The following PDZD2 variants were observed in gnomAD, a reference collection of about 807,000 sequenced individuals.
PDZD2 encodes PDZ domain containing 2.
A neutral mutation model predicts 220.7 loss-of-function variants in PDZD2; 90 were observed. The observed-to-expected ratio is 0.41, with a 90% confidence interval of 0.34 to 0.49. The LOEUF is 0.49. PDZD2 is among the 20% of genes least tolerant of loss of function. The pLI, the probability that PDZD2 is intolerant of heterozygous loss-of-function variation, is 0.28. For missense variants in PDZD2, 3,174 were observed against 3,608.5 expected (o/e 0.88, Z 3.08); for synonymous variants, 1,375 against 1,450.5 (o/e 0.95, Z 1.18).
rs3135427 is a variant in PDZD2, at chr5:32,087,324, G to A, written c.3876G>A (p.Pro1292=). 56,535 of 1,614,114 alleles carry A rather than the reference G, an allele frequency of 0.035. 1,158 individuals carry two copies. The highest frequency in any genetic ancestry group is 0.042 in the Non-Finnish European group (49,955 of 1,179,968). Residue 1292 remains proline, a synonymous_variant, in exon 20 of 25, where the codon CCG becomes CCA. Transcript: ENST00000438447. This position sits in a 1 kb window ranked among gnomAD's most constrained non-coding sequence, Gnocchi z 4.0. ...VRLPHEGSPS[P]GEKAAAPPDY... Reference sequence around the variant, plus strand: ...TCCCCCATGAGGGCAGCCCCTCCCCGGGGGAGAAAGCAGCGGCTCCCCCTG... The same window carrying A: ...TCCCCCATGAGGGCAGCCCCTCCCCAGGGGAGAAAGCAGCGGCTCCCCCTG...
At chr5:31,725,263 G>A (rs774887603) in intron 1 of PDZD2, among the ~76,000 whole-genome samples, 15 of 149,734 alleles carry the variant, frequency 1.0e-4, no homozygotes, top group African/African-American at 2.0e-4. Context: ...ACTTGAACCC[G>A]AGAGGCGGAG....
chr5:32,048,761 C>T, intron 8 of PDZD2, 77 bp downstream of exon 8: 2 of 1,444,778 alleles, frequency 1.4e-6, no homozygotes, highest in Non-Finnish European at 1.9e-6. Flanking sequence ...CCATACAGGC[C>T]AGGAGTGTCT....
chr5:32,077,731 C>T (rs900727778), intron 19 of PDZD2, 125 bp downstream of exon 19: 12 of 923,872 alleles, frequency 1.3e-5, no homozygotes, highest in African/African-American at 3.3e-5. Flanking sequence ...CCGAGGTGGG[C>T]GGACCACTTG....
At position 32,074,010 on chromosome 5, in the gene PDZD2, C is replaced by T. The variant is rs1741020358; in HGVS notation, c.2904C>T (p.Asn968=). The T allele has an allele frequency of 8.7e-6, 14 of 1,614,052 alleles. No individual in the cohort carries two copies. The highest frequency in any genetic ancestry group is 5.0e-5 in the Admixed American group (3 of 60,004). The change falls in exon 18 of 25, where the codon AAC becomes AAT. Residue 968 remains asparagine, a synonymous_variant. Transcript: ENST00000438447. ...RQRKVGCYDA[N]DASDEEEFDR... ...GGAAGGTAGGCTGCTACGATGCCAACGATGCCAGTGATGAGGAAGAGTTTG... is the reference window on the plus strand; with the variant it reads ...GGAAGGTAGGCTGCTACGATGCCAATGATGCCAGTGATGAGGAAGAGTTTG...
At chr5:32,096,964 T>G (rs909546295) in intron 21 of PDZD2, among the ~76,000 whole-genome samples, 2 of 151,112 alleles carry the variant, frequency 1.3e-5, no homozygotes, top group African/African-American at 4.9e-5. Context: ...GCCTCTTGAG[T>G]AGCTGGGACT....
At chr5:31,906,430 G>A (rs1432994066) in intron 2 of PDZD2, among the ~76,000 whole-genome samples, 1 of 151,340 alleles carries the variant, frequency 6.6e-6, no homozygotes, top group South Asian at 2.1e-4. Context: ...GACTAGTCTT[G>A]AACTCCTGGG....
intron 2 of PDZD2, among the ~76,000 whole-genome samples, chr5:31,810,545 T>A (rs373028234): frequency 5.7e-4 from 87 of 152,194 alleles, no homozygotes; most frequent in African/African-American, 1.8e-3. Flanking sequence ...GATTACAGGC[T>A]TGAGCCACCA....
chr5:31,960,576 C>T (rs1429898572), intron 2 of PDZD2, among the ~76,000 whole-genome samples: 1 of 152,014 alleles, frequency 6.6e-6, no homozygotes. Context: ...TCCTAACCCA[C>T]TCTCCTCTCT....
At chr5:31,707,933 G>A (rs1332673905) in intron 1 of PDZD2, among the ~76,000 whole-genome samples, 1 of 152,116 alleles carries the variant, frequency 6.6e-6, no homozygotes, top group Non-Finnish European at 1.5e-5. Flanking sequence ...CAGCCAGGAT[G>A]TTCAGTTTTA....
At chr5:31,897,505 C>T (rs1341823285) in intron 2 of PDZD2, among the ~76,000 whole-genome samples, 1 of 152,070 alleles carries the variant, frequency 6.6e-6, no homozygotes, top group East Asian at 1.9e-4. Context: ...AATCACTGGC[C>T]GAAGTTGCAC....
At chr5:31,963,790 A>G (rs1180461484) in intron 2 of PDZD2, among the ~76,000 whole-genome samples, 1 of 152,214 alleles carries the variant, frequency 6.6e-6, no homozygotes, top group Non-Finnish European at 1.5e-5. Flanking sequence ...CTGGCAGAAG[A>G]GCGTGGCTTG....
chr5:32,023,782 C>T (rs1047888239), intron 6 of PDZD2, among the ~76,000 whole-genome samples: 4 of 152,140 alleles, frequency 2.6e-5, no homozygotes, highest in Non-Finnish European at 4.4e-5. Flanking sequence ...ATTCCTAGAC[C>T]GTAGCCCCCC....
At chr5:31,714,976 G>A (rs1178514502) in intron 1 of PDZD2, among the ~76,000 whole-genome samples, 5 of 151,390 alleles carry the variant, frequency 3.3e-5, no homozygotes, top group Non-Finnish European at 7.4e-5. Context: ...GGAGAATGGA[G>A]TGAACCCTGG....
intron 2 of PDZD2, among the ~76,000 whole-genome samples, chr5:31,911,367 G>A (rs1254713093): frequency 2.6e-5 from 4 of 152,226 alleles, no homozygotes; most frequent in Non-Finnish European, 5.9e-5. Flanking sequence ...CAGAGCCTGG[G>A]GCAGTAGAGT....
intron 2 of PDZD2, chr5:31,854,848 G>A: frequency 2.9e-6 from 1 of 339,994 alleles, no homozygotes; most frequent in Non-Finnish European, 4.2e-6. Flanking sequence ...GCAGGGGAGT[G>A]GCGAGCCGAG....
intron 1 of PDZD2, among the ~76,000 whole-genome samples, chr5:31,680,518 TA>T (rs113378698): frequency 4.7e-5 from 7 of 149,480 alleles, no homozygotes; most frequent in African/African-American, 7.3e-5. Flanking sequence ...GAAGCCAATT[TA>T]AAAAAAAAAT....
At chr5:31,892,629 G>A (rs1432397420) in intron 2 of PDZD2, among the ~76,000 whole-genome samples, 3 of 151,730 alleles carry the variant, frequency 2.0e-5, no homozygotes, top group African/African-American at 7.3e-5. Flanking sequence ...GTGCAGTGGC[G>A]AGACCACAGC....
intron 2 of PDZD2, among the ~76,000 whole-genome samples, chr5:31,836,757 G>A: frequency 6.6e-6 from 1 of 152,108 alleles, no homozygotes. Flanking sequence ...GGTGGTTTAT[G>A]CCTGTAATCC....
chr5:31,761,722 A>T lies in PDZD2; in HGVS notation c.-360-37167A>T, dbSNP rs1002481766. On this transcript the variant is annotated intron_variant, in intron 1 of 24. Transcript: ENST00000438447. Reference sequence around the variant, plus strand: ...CTAAAAATACAAAAAGTAGCTGGGCATGGTAGTGGGTGCCTGTAATCCCAG... The same window carrying T: ...CTAAAAATACAAAAAGTAGCTGGGCTTGGTAGTGGGTGCCTGTAATCCCAG... Among the ~76,000 whole-genome samples the T allele has an allele frequency of 8.6e-5, 13 of 152,024 alleles. No individual in the cohort carries two copies. In the South Asian group the frequency reaches 2.5e-3, roughly 29 times the overall value.
Sources: allele counts gnomAD v4.1 joint callset (sites outside exome capture counted in the v4.1 genomes callset), GRCh38; gene constraint gnomAD v4.1.1; non-coding constraint Gnocchi (gnomAD v3.1); transcripts MANE v1.5; gene names NCBI Gene and HGNC (gene_info 2026-07-23, HGNC 2026-07-21).